The following BSN variants were observed in gnomAD, a reference collection of about 807,000 sequenced individuals.
The protein encoded by BSN is bassoon presynaptic cytomatrix protein.
BSN carries 57 observed loss-of-function variants against 264.8 expected under a neutral mutation model. The ratio of observed to expected loss-of-function variants is 0.22; its 90% CI spans 0.17 to 0.27. BSN has a LOEUF of 0.27. Ranked by LOEUF, BSN falls within the 10% of genes least tolerant of loss-of-function variation. The pLI is 1.00. For missense variants in BSN, 4,615 were observed against 5,232.5 expected, an observed-to-expected ratio of 0.88 and a Z score of 3.64; for synonymous variants, 2,059 against 2,137.3, an observed-to-expected ratio of 0.96 and a Z score of 1.01.
At chr3:49,639,199 CTTTTTTTTTTTT>C (rs71631022) in intron 2 of BSN, among the ~76,000 whole-genome samples, 1 of 133,874 alleles carries the variant, frequency 7.5e-6, no homozygotes, top group African/African-American at 2.8e-5. Context: ...CTTTCTTTTT[CTTTTTTTTTTTT>C]TTTTTGAGAC....
chr3:49,659,946 A>T (rs2052639309), intron 5 of BSN, among the ~76,000 whole-genome samples: 1 of 152,028 alleles, frequency 6.6e-6, no homozygotes, highest in African/African-American at 2.4e-5. Flanking sequence ...CTAGGGCAGG[A>T]TGCAGAATGA....
At chr3:49,606,942 C>T (rs1456662377) in intron 1 of BSN, among the ~76,000 whole-genome samples, 2 of 152,088 alleles carry the variant, frequency 1.3e-5, no homozygotes, top group Admixed American at 1.3e-4. Flanking sequence ...ATGGTGAAAC[C>T]CCATCTCTAC....
At chr3:49,588,808 A>G (rs2051954664) in intron 1 of BSN, among the ~76,000 whole-genome samples, 1 of 152,172 alleles carries the variant, frequency 6.6e-6, no homozygotes, top group South Asian at 2.1e-4. Flanking sequence ...TATGATTTCA[A>G]GTCTTTTCAA....
intron 2 of BSN, among the ~76,000 whole-genome samples, chr3:49,637,484 A>G (rs1394523282): frequency 3.3e-5 from 5 of 152,218 alleles, no homozygotes; most frequent in African/African-American, 2.4e-5. Context: ...TCCAGAGCCC[A>G]GTGGAGGAAT....
chr3:49,634,518 A>G (rs555864714), intron 2 of BSN, among the ~76,000 whole-genome samples: 2 of 152,278 alleles, frequency 1.3e-5, no homozygotes, highest in Non-Finnish European at 2.9e-5. Flanking sequence ...CAGCCTCCCA[A>G]GTAGCTGGGA....
In BSN at chr3:49,661,156, C is replaced by T. The variant is rs750411328; in HGVS notation, c.9311C>T (p.Pro3104Leu). The change falls in exon 6 of 12, where the codon CCT (proline) becomes CTT (leucine). Residue 3104 changes from proline (P) to leucine (L), a missense_variant. Around this residue, in one of 3 missense-constraint regions of BSN, gnomAD observed 3,415 missense variants for 3,866.4 expected, o/e 0.88. Coordinates refer to ENST00000296452, the MANE Select transcript of BSN (RefSeq NM_003458.4). The part of the protein sequence containing the change: ...FPPGASYPAE[P>L]GLPNQQAFRP... ...CCTGGTGCCAGTTACCCAGCTGAGC[C>T]TGGCCTGCCAAACCAGCAGGCTTTC... 6.2e-7 allele frequency: 1 copy of T among 1,613,330 alleles called. No homozygotes were observed. Among genetic ancestry groups the T allele is most frequent in the East Asian group, 2.2e-5 (1 of 44,872 alleles).
chr3:49,643,359 G>C (rs1426432682), intron 3 of BSN, among the ~76,000 whole-genome samples: 1 of 152,208 alleles, frequency 6.6e-6, no homozygotes, highest in East Asian at 1.9e-4. Flanking sequence ...ACTCAGAGTT[G>C]GGGGTAATGG....
At chr3:49,623,818 G>T (rs1002834325) in intron 1 of BSN, among the ~76,000 whole-genome samples, 10 of 152,174 alleles carry the variant, frequency 6.6e-5, no homozygotes, top group African/African-American at 2.4e-4. Context: ...CTCTGAAGGG[G>T]TTCAAGGCAG....
At chr3:49,566,474 C>T (rs2051752641) in intron 1 of BSN, among the ~76,000 whole-genome samples, 1 of 152,094 alleles carries the variant, frequency 6.6e-6, no homozygotes, top group Admixed American at 6.5e-5. Context: ...GTCTCCTTGA[C>T]CTACTTTAGT....
At chr3:49,629,860 G>C (rs1363935845) in intron 2 of BSN, among the ~76,000 whole-genome samples, 4 of 152,270 alleles carry the variant, frequency 2.6e-5, no homozygotes, top group Non-Finnish European at 5.9e-5. Context: ...AGAGGAGTAA[G>C]CATGGTCTTA....
chr3:49,592,463 T>C (rs1383921513), intron 1 of BSN, among the ~76,000 whole-genome samples: 1 of 148,868 alleles, frequency 6.7e-6, no homozygotes, highest in Non-Finnish European at 1.5e-5. Flanking sequence ...TAAGAAATAA[T>C]ACAGAGAGGG....
Position 49,661,086 on chromosome 3 carries a change from C to A in BSN, c.9241C>A (p.Pro3081Thr), listed in dbSNP as rs1460959084. 6.2e-7 allele frequency: 1 copy of A among 1,612,580 alleles called. No individual in the cohort carries two copies. Among genetic ancestry groups the A allele is most frequent in the South Asian group, 1.1e-5 (1 of 91,066 alleles). ...TQNGFPAHQA[P>T]TYPGPSTYPA... ...GAACGGATTCCCAGCCCACCAGGCC[C>A]CCACCTACCCTGGCCCCAGCACGTA... The change falls in exon 6 of 12, where the codon CCC (proline) becomes ACC (threonine). Residue 3081 changes from proline to threonine, a missense_variant. This residue lies in a region of BSN where 3,415 missense variants were observed against 3,866.4 expected (regional missense o/e 0.88). Coordinates refer to ENST00000296452, the MANE Select transcript of BSN (RefSeq NM_003458.4).
intron 3 of BSN, among the ~76,000 whole-genome samples, chr3:49,643,714 TCA>T (rs1396213832): frequency 6.6e-6 from 1 of 152,202 alleles, no homozygotes; most frequent in Admixed American, 6.5e-5. Flanking sequence ...CTTGTCAAAG[TCA>T]CAGCCTTTGG....
At chr3:49,643,622 T>C (rs2052485036) in intron 3 of BSN, among the ~76,000 whole-genome samples, 1 of 152,188 alleles carries the variant, frequency 6.6e-6, no homozygotes. Flanking sequence ...GGGCAGGGCA[T>C]GTCCCACTGT....
rs1303474155 is a variant in BSN, at chr3:49,564,931, G to T, written c.224+10105G>T. Among the ~76,000 whole-genome samples, 3 of 151,768 alleles carry T rather than the reference G, an allele frequency of 2.0e-5. No homozygotes were observed. In the South Asian group the frequency reaches 6.2e-4, roughly 32 times the overall value. Reference sequence around the variant, plus strand: ...ATTGGCCTTTGGCTCTGTAGGGTAGGTATCTCTAGGAGCAGCAAGTGCTCT... The same window carrying T: ...ATTGGCCTTTGGCTCTGTAGGGTAGTTATCTCTAGGAGCAGCAAGTGCTCT... On this transcript the variant is annotated intron_variant, in intron 1 of 11. Transcript: ENST00000296452.
intron 1 of BSN, among the ~76,000 whole-genome samples, chr3:49,558,636 C>T (rs1164536400): frequency 1.3e-5 from 2 of 152,180 alleles, no homozygotes; most frequent in African/African-American, 4.8e-5. Context: ...ACATAATTGC[C>T]AGGTCTGGAA....
At chr3:49,565,754 T>C (rs1345568995) in intron 1 of BSN, among the ~76,000 whole-genome samples, 1 of 152,258 alleles carries the variant, frequency 6.6e-6, no homozygotes, top group African/African-American at 2.4e-5. Context: ...TTTAATTTCT[T>C]ACTATAACCC....
rs199632264 is a variant in BSN at position 49,662,014 on chromosome 3, C to G, written c.10169C>G (p.Pro3390Arg). 11 of 1,613,782 alleles carry G rather than the reference C, an allele frequency of 6.8e-6. No homozygotes were observed. The highest frequency in any genetic ancestry group is 3.3e-5 in the South Asian group (3 of 91,086). ...GAGTCAGACCTGGCGTCCTACCCCC[C>G]ACCTGCAGTCAGCAGCAGCCTGGTC... The part of the protein sequence containing the change: ...DVESDLASYP[P>R]PAVSSSLVSR... Residue 3390 changes from proline (P) to arginine (R), a missense_variant, in exon 6 of 12, where the codon CCA becomes CGA. Pro to Arg is a moderately radical substitution (Grantham distance 103, BLOSUM62 -2). Coordinates refer to ENST00000296452, the MANE Select transcript of BSN (RefSeq NM_003458.4).
chr3:49,590,123 A>G (rs1432790084), intron 1 of BSN, among the ~76,000 whole-genome samples: 2 of 152,160 alleles, frequency 1.3e-5, no homozygotes, highest in Non-Finnish European at 2.9e-5. Flanking sequence ...GGTGTGAACC[A>G]CCACGCCCCG....
Sources: gnomAD v4.1 joint callset for allele counts (sites outside exome capture counted in the v4.1 genomes callset) on GRCh38, gnomAD v4.1.1 for gene constraint, gnomAD v4.1.1 regional missense constraint, MANE v1.5 for transcripts, NCBI Gene and HGNC (gene_info 2026-07-23, HGNC 2026-07-21) for gene names.